CNTN5: variants seen among roughly 807,000 people sequenced by gnomAD.
CNTN5 encodes contactin 5, also known as contactin-5.
Under a neutral mutation model 129.1 loss-of-function variants are expected in CNTN5, and 77 were observed. The observed-to-expected ratio is 0.60, with a 90% CI of 0.50 to 0.72. The LOEUF (loss-of-function observed/expected upper bound fraction) is 0.72. Ranked by LOEUF, CNTN5 falls within the 30% of genes least tolerant of loss-of-function variation. The probability of loss-of-function intolerance (pLI) is 0.00; values close to 1 mark genes in which losing one functional copy is unlikely to be tolerated. For missense variants in CNTN5, 1,478 were observed against 1,328.8 expected (o/e 1.11, Z -1.75); for synonymous variants, 509 against 465.6 (o/e 1.09, Z -1.20).
At chr11:99,958,974 A>G (rs796465452) in intron 8 of CNTN5, among the ~76,000 whole-genome samples, 33 of 152,286 alleles carry the variant, frequency 2.2e-4, no homozygotes, top group African/African-American at 7.0e-4. Context: ...GTCCATGTGC[A>G]AGAGTGTTTT....
At chr11:99,684,180 G>A (rs1565424332) in intron 3 of CNTN5, among the ~76,000 whole-genome samples, 1 of 151,720 alleles carries the variant, frequency 6.6e-6, no homozygotes, top group South Asian at 2.1e-4. Context: ...ATGAGATCAT[G>A]TGGTATTTCA....
At chr11:99,536,997 A>G (rs1449108748) in intron 2 of CNTN5, among the ~76,000 whole-genome samples, 1 of 152,138 alleles carries the variant, frequency 6.6e-6, no homozygotes, top group African/African-American at 2.4e-5. Flanking sequence ...CTAAAGCTTC[A>G]TATATATTTG....
At chr11:99,949,807 C>G (rs1194168953) in intron 7 of CNTN5, among the ~76,000 whole-genome samples, 1 of 152,092 alleles carries the variant, frequency 6.6e-6, no homozygotes, top group Non-Finnish European at 1.5e-5. Flanking sequence ...AACTCTAGAA[C>G]TTGGAATTCA....
chr11:100,167,010 A>G (rs192378904), intron 13 of CNTN5, among the ~76,000 whole-genome samples: 117 of 151,846 alleles, frequency 7.7e-4, no homozygotes, highest in Non-Finnish European at 1.1e-3. Context: ...TTAGACCCCA[A>G]GTGTCTTATT....
At chr11:100,328,807 G>C (rs1951841383) in intron 21 of CNTN5, among the ~76,000 whole-genome samples, 2 of 152,194 alleles carry the variant, frequency 1.3e-5, no homozygotes. Context: ...TGGCAGATAG[G>C]TGGCAGAACT....
intron 9 of CNTN5, among the ~76,000 whole-genome samples, chr11:100,059,552 C>A (rs1943376626): frequency 6.6e-6 from 1 of 152,002 alleles, no homozygotes; most frequent in African/African-American, 2.4e-5. Context: ...GCAAACATTT[C>A]ACAGAAATGC....
chr11:99,177,404 G>C (rs993401738), intron 1 of CNTN5, among the ~76,000 whole-genome samples: 1 of 152,192 alleles, frequency 6.6e-6, no homozygotes, highest in Admixed American at 6.5e-5. Flanking sequence ...GTGAATAAAT[G>C]AATGAGTTAA....
chr11:100,110,555 A>T (rs1945620787), intron 13 of CNTN5, among the ~76,000 whole-genome samples: 1 of 152,258 alleles, frequency 6.6e-6, no homozygotes, highest in Admixed American at 6.5e-5. Flanking sequence ...GAAGAGAAAA[A>T]AACACAGAAC....
intron 1 of CNTN5, among the ~76,000 whole-genome samples, chr11:99,243,894 A>C (rs557254664): frequency 2.6e-4 from 39 of 151,978 alleles, no homozygotes; most frequent in Admixed American, 6.6e-4. Context: ...GAAATTCGGC[A>C]ATGTGATGCC....
chr11:100,061,237 A>C lies in CNTN5; in HGVS notation c.1006A>C (p.Lys336Gln), dbSNP rs200368105. The C allele has an allele frequency of 6.2e-7, 1 of 1,611,388 alleles. No homozygotes were observed. Among genetic ancestry groups the C allele is most frequent in the Non-Finnish European group, 8.5e-7 (1 of 1,177,836 alleles). The change falls in exon 10 of 25, where the codon AAG becomes CAG. Residue 336 changes from lysine (K) to glutamine (Q), a missense_variant. Coordinates refer to ENST00000524871, the MANE Select transcript of CNTN5 (RefSeq NM_014361.4). ...GNPVPTITWMKVNGYIPSKAR... is the reference protein window; with the variant it reads ...GNPVPTITWMQVNGYIPSKAR... ...CCCCGTTCCAACAATCACATGGATGAAGGTTAATGGTTATATTCCTAGTAA... is the reference window on the plus strand; with the variant it reads ...CCCCGTTCCAACAATCACATGGATGCAGGTTAATGGTTATATTCCTAGTAA...
At chr11:99,294,896 A>T (rs1213454643) in intron 1 of CNTN5, among the ~76,000 whole-genome samples, 1 of 152,112 alleles carries the variant, frequency 6.6e-6, no homozygotes, top group African/African-American at 2.4e-5. Context: ...TAATAAATAC[A>T]CTGAGTTGGC....
intron 3 of CNTN5, among the ~76,000 whole-genome samples, chr11:99,734,621 G>C (rs1943640592): frequency 6.6e-6 from 1 of 151,880 alleles, no homozygotes; most frequent in Admixed American, 6.6e-5. Context: ...AAAAGGCATT[G>C]ATTTTGTTTT....
At chr11:99,107,009 A>G (rs973681396) in intron 1 of CNTN5, among the ~76,000 whole-genome samples, 2 of 152,166 alleles carry the variant, frequency 1.3e-5, no homozygotes, top group African/African-American at 4.8e-5. Context: ...ACTCAACTGA[A>G]GAACAAAAAT....
At chr11:99,228,912 T>A (rs1860834705) in intron 1 of CNTN5, among the ~76,000 whole-genome samples, 1 of 152,060 alleles carries the variant, frequency 6.6e-6, no homozygotes, top group South Asian at 2.1e-4. Flanking sequence ...TTCACAGTAC[T>A]GGTTTTATTT....
intron 17 of CNTN5, among the ~76,000 whole-genome samples, chr11:100,266,977 T>G (rs1054928250): frequency 5.3e-5 from 8 of 152,094 alleles, no homozygotes; most frequent in African/African-American, 7.2e-5. Context: ...GAAGACTGTA[T>G]TCTTACAGGT....
intron 2 of CNTN5, among the ~76,000 whole-genome samples, chr11:99,485,486 T>G (rs560385697): frequency 6.3e-4 from 96 of 152,200 alleles, no homozygotes; most frequent in African/African-American, 2.3e-3. Context: ...TATGTACCAT[T>G]GTGTTTTGGG....
intron 2 of CNTN5, among the ~76,000 whole-genome samples, chr11:99,546,905 A>G (rs182307492): frequency 1.2e-3 from 183 of 152,200 alleles, no homozygotes; most frequent in African/African-American, 3.7e-3. Flanking sequence ...ACAAAGCTAG[A>G]TATTTTGAAG....
At chr11:99,806,519 A>G (rs1946275244) in intron 3 of CNTN5, among the ~76,000 whole-genome samples, 1 of 152,074 alleles carries the variant, frequency 6.6e-6, no homozygotes, top group Non-Finnish European at 1.5e-5. Flanking sequence ...AATTCAAAAG[A>G]CAAAATAGGT....
chr11:99,394,882 T>C (rs1181266043), intron 2 of CNTN5, among the ~76,000 whole-genome samples: 2 of 151,932 alleles, frequency 1.3e-5, no homozygotes, highest in Non-Finnish European at 2.9e-5. Context: ...TCTTTTTCTT[T>C]TTTATTGCAT....
Sources: gnomAD v4.1 joint callset for allele counts (sites outside exome capture counted in the v4.1 genomes callset) on GRCh38, gnomAD v4.1.1 for gene constraint, MANE v1.5 for transcripts, NCBI Gene and HGNC (gene_info 2026-07-23, HGNC 2026-07-21) for gene names.